The following GPHN variants were observed in gnomAD, a reference collection of about 807,000 sequenced individuals.
GPHN encodes the protein gephyrin.
Under a neutral mutation model 95.5 loss-of-function variants are expected in GPHN, and 17 were observed. The ratio of observed to expected loss-of-function variants is 0.18; its 90% CI spans 0.12 to 0.27. The LOEUF is 0.27. Ranked by LOEUF, GPHN falls within the 10% of genes least tolerant of loss-of-function variation. GPHN has a pLI of 1.00. For synonymous variants in GPHN, 320 were observed against 322.5 expected, an observed-to-expected ratio of 0.99 and a Z score of 0.08; for missense variants, 660 against 978.1, an observed-to-expected ratio of 0.67 and a Z score of 4.34.
Position 66,681,157 on chromosome 14 carries a change from C to A in GPHN, c.115C>A (p.Leu39Ile), listed in dbSNP as rs750921939. The A allele has an allele frequency of 1.3e-6, 2 of 1,595,658 alleles. No homozygotes were observed. Among genetic ancestry groups the A allele is most frequent in the Non-Finnish European group, 1.7e-6 (2 of 1,164,494 alleles). ...NLAEDRSGIN[L>I]KDLVQDPSLL... ...TGCAGAAGACCGCAGTGGGATAAAT[C>A]TCAAAGATCTCGTACAAGATCCTTC... Residue 39 changes from leucine to isoleucine, a missense_variant, in exon 2 of 23, where the codon CTC (leucine) becomes ATC (isoleucine). Physicochemically the swap from Leu to Ile is conservative, Grantham distance 5. This residue lies in a region of GPHN where 92 missense variants were observed against 91.9 expected (regional missense o/e 1.00). Coordinates refer to ENST00000478722, the MANE Select transcript of GPHN (RefSeq NM_020806.5).
intron 21 of GPHN, among the ~76,000 whole-genome samples, chr14:67,176,714 T>G (rs1457973029): frequency 6.6e-6 from 1 of 152,206 alleles, no homozygotes; most frequent in Non-Finnish European, 1.5e-5. Context: ...CCTGGACTTT[T>G]TTTGGTTGGT....
In GPHN at chr14:67,011,622, T is replaced by C. The variant is rs560507841; in HGVS notation, c.964-12011T>C. Among the ~76,000 whole-genome samples, 3 of 151,550 alleles carry C rather than the reference T, an allele frequency of 2.0e-5. No homozygotes were observed. In the East Asian group the frequency reaches 5.8e-4, roughly 29 times the overall value. On this transcript the variant is annotated intron_variant, in intron 9 of 22. Coordinates refer to ENST00000478722, the MANE Select transcript of GPHN (RefSeq NM_020806.5). ...GAAGGAAAATTAGGATTGTGTTCTT[T>C]CCACATATGGGGCATATGTTGACCC... is the stretch of plus-strand genomic sequence containing the variant.
chr14:67,323,835 C>A, the GPHN span: 1 of 1,235,392 alleles, frequency 8.1e-7, no homozygotes, highest in Non-Finnish European at 1.2e-6. Flanking sequence ...CACTATTGTA[C>A]TATTCCATTG....
intron 18 of GPHN, among the ~76,000 whole-genome samples, chr14:67,147,091 A>T (rs980691052): frequency 1.6e-4 from 24 of 152,094 alleles, no homozygotes; most frequent in Admixed American, 9.8e-4. Flanking sequence ...ACATAAAAAA[A>T]TTTTCTTTAA....
the GPHN span, among the ~76,000 whole-genome samples, chr14:67,439,545 C>CTTTCT: frequency 2.2e-5 from 3 of 137,906 alleles, no homozygotes; most frequent in East Asian, 6.7e-4. Flanking sequence ...TTCTTTCTTT[C>CTTTCT]TTTCTTTCTT....
chr14:67,729,527 T>C, the GPHN span: 3 of 772,220 alleles, frequency 3.9e-6, no homozygotes, highest in Non-Finnish European at 6.7e-6. Flanking sequence ...GCCGTTGCTT[T>C]GTTAAGGAAA....
intron 1 of GPHN, among the ~76,000 whole-genome samples, chr14:66,670,145 G>C (rs1487941357): frequency 2.0e-5 from 3 of 152,092 alleles, no homozygotes; most frequent in African/African-American, 7.2e-5. Context: ...GTGGGAGTCG[G>C]GTTTTTTACT....
intron 2 of GPHN, among the ~76,000 whole-genome samples, chr14:66,710,726 G>A (rs1270752948): frequency 6.6e-6 from 1 of 152,066 alleles, no homozygotes; most frequent in African/African-American, 2.4e-5. Flanking sequence ...TGACAATTTG[G>A]AATGAAATAT....
the GPHN span, chr14:67,204,912 T>C: frequency 6.2e-7 from 1 of 1,611,170 alleles, no homozygotes; most frequent in East Asian, 2.2e-5. Context: ...ACATCACAGA[T>C]GTCACAGATC....
chr14:67,352,949 G>C, the GPHN span: 1 of 1,611,974 alleles, frequency 6.2e-7, no homozygotes, highest in East Asian at 2.2e-5. Flanking sequence ...AGGATCTGTC[G>C]AAATCGAAGA....
chr14:66,947,745 G>A (rs762487712), intron 8 of GPHN, among the ~76,000 whole-genome samples: 13 of 152,056 alleles, frequency 8.5e-5, no homozygotes, highest in Non-Finnish European at 1.8e-4. Context: ...ATTGCTTGAG[G>A]CCAAGAGTTC....
chr14:66,728,631 GC>G (rs1291095507), intron 2 of GPHN, among the ~76,000 whole-genome samples: 1 of 152,196 alleles, frequency 6.6e-6, no homozygotes, highest in Non-Finnish European at 1.5e-5. Flanking sequence ...GGGGGCTTTA[GC>G]CCCTTTGTTT....
the GPHN span, among the ~76,000 whole-genome samples, chr14:67,712,043 C>T: frequency 6.6e-6 from 1 of 152,126 alleles, no homozygotes; most frequent in African/African-American, 2.4e-5. Flanking sequence ...CCTCAGCCCC[C>T]TGAGTAGTTG....
At chr14:67,411,942 C>A in the GPHN span, 1 of 1,328,906 alleles carries the variant, frequency 7.5e-7, no homozygotes, top group Non-Finnish European at 1.0e-6. Flanking sequence ...CCGGGGCGCG[C>A]GTCTGGCCCC....
At chr14:67,505,165 T>C in the GPHN span, among the ~76,000 whole-genome samples, 1 of 151,600 alleles carries the variant, frequency 6.6e-6, no homozygotes, top group Non-Finnish European at 1.5e-5. Flanking sequence ...TCAAAAGAGG[T>C]GCGCAAGGGC....
At chr14:66,676,894 T>C (rs994846811) in intron 1 of GPHN, among the ~76,000 whole-genome samples, 1 of 151,988 alleles carries the variant, frequency 6.6e-6, no homozygotes, top group Admixed American at 6.5e-5. Context: ...AAAATAGATG[T>C]TCTTCTTTTA....
chr14:67,548,628 C>A, the GPHN span, among the ~76,000 whole-genome samples: 336 of 152,238 alleles, frequency 2.2e-3, 1 homozygote, highest in African/African-American at 7.9e-3. Flanking sequence ...AACCGGGAGG[C>A]AGAGGTTGCG....
At chr14:67,212,614 TGTA>T in the GPHN span, among the ~76,000 whole-genome samples, 1 of 145,196 alleles carries the variant, frequency 6.9e-6, no homozygotes, top group Non-Finnish European at 1.5e-5. Context: ...TATATATATA[TGTA>T]ATATATATTA....
intron 9 of GPHN, among the ~76,000 whole-genome samples, chr14:66,993,647 A>G (rs1008212659): frequency 6.6e-6 from 1 of 152,174 alleles, no homozygotes; most frequent in African/African-American, 2.4e-5. Flanking sequence ...ATGGTATTTG[A>G]ATCGAATCAG....
Sources: gnomAD v4.1 joint callset for allele counts (sites outside exome capture counted in the v4.1 genomes callset) on GRCh38, gnomAD v4.1.1 for gene constraint, gnomAD v4.1.1 regional missense constraint, MANE v1.5 for transcripts, NCBI Gene and HGNC (gene_info 2026-07-23, HGNC 2026-07-21) for gene names.